The following PDE4B variants were observed in gnomAD, a reference collection of about 807,000 sequenced individuals.
PDE4B encodes phosphodiesterase 4B.
PDE4B carries 20 observed loss-of-function variants against 82.2 expected under a neutral mutation model. The observed-to-expected ratio is 0.24, with a 90% CI of 0.17 to 0.35. The LOEUF is 0.35. Among genes scored for constraint, PDE4B ranks in the 10% least tolerant of loss-of-function variants. PDE4B has a pLI of 1.00. For missense variants in PDE4B, 655 were observed against 907.2 expected (o/e 0.72, Z 3.57); for synonymous variants, 320 against 318.9 (o/e 1.00, Z -0.04).
chr1:66,369,595 A>G (rs1245272167), intron 16 of PDE4B, among the ~76,000 whole-genome samples: 1 of 152,258 alleles, frequency 6.6e-6, no homozygotes, highest in Non-Finnish European at 1.5e-5. Flanking sequence ...ATATGCAGCA[A>G]TGGAAAGTAT....
At chr1:65,977,079 G>A (rs1251365727) in intron 3 of PDE4B, among the ~76,000 whole-genome samples, 4 of 152,116 alleles carry the variant, frequency 2.6e-5, no homozygotes, top group Admixed American at 1.3e-4. Flanking sequence ...CTATTTTTAG[G>A]AAACTTGATC....
chr1:66,010,355 A>G (rs1430046152), intron 3 of PDE4B, among the ~76,000 whole-genome samples: 2 of 150,168 alleles, frequency 1.3e-5, no homozygotes, highest in Non-Finnish European at 2.9e-5. Context: ...TTCTTTATAA[A>G]GAGAAAGAGG....
At chr1:66,137,340 G>T (rs1441668132) in intron 3 of PDE4B, among the ~76,000 whole-genome samples, 5 of 152,152 alleles carry the variant, frequency 3.3e-5, no homozygotes, top group African/African-American at 9.7e-5. Context: ...TAGCTCATCC[G>T]CTGAAAAAGG....
chr1:65,953,219 G>A (rs115892624), intron 3 of PDE4B, among the ~76,000 whole-genome samples: 99 of 152,150 alleles, frequency 6.5e-4, no homozygotes, highest in African/African-American at 2.3e-3. Context: ...GACTGAAGCA[G>A]GAGTACAAAT....
At chr1:66,238,196 T>C (rs2153116) in intron 3 of PDE4B, among the ~76,000 whole-genome samples, 31,361 of 152,144 alleles carry the variant, frequency 0.21, 6,691 homozygotes, top group African/African-American at 0.53. Flanking sequence ...AGCCAGGGAC[T>C]GTTCAAAGCA....
intron 6 of PDE4B, among the ~76,000 whole-genome samples, chr1:66,265,499 A>T (rs502958): frequency 0.59 from 89,586 of 151,990 alleles, 26,989 homozygotes; most frequent in African/African-American, 0.69. Context: ...TTCCTCCATG[A>T]AAATTCTGTT....
intron 1 of PDE4B, among the ~76,000 whole-genome samples, chr1:65,821,617 C>A (rs778355706): frequency 1.3e-5 from 2 of 152,210 alleles, no homozygotes; most frequent in African/African-American, 4.8e-5. Context: ...TAATCTACTT[C>A]TCTTTCTGAC....
At chr1:66,372,235 T>G (rs1557737853) in intron 16 of PDE4B, 78 bp from the exon 17 acceptor site, 1 of 1,414,134 alleles carries the variant, frequency 7.1e-7, no homozygotes, top group Non-Finnish European at 9.6e-7. Context: ...TGTTCTTTCT[T>G]TGCATGGAAA....
chr1:66,081,888 T>C (rs1656760073), intron 3 of PDE4B, among the ~76,000 whole-genome samples: 1 of 151,442 alleles, frequency 6.6e-6, no homozygotes, highest in Non-Finnish European at 1.5e-5. Flanking sequence ...ACTCTGGATT[T>C]GCAAAAACAC....
intron 1 of PDE4B, among the ~76,000 whole-genome samples, chr1:65,819,650 C>A (rs1175222495): frequency 6.6e-6 from 1 of 152,094 alleles, no homozygotes; most frequent in Non-Finnish European, 1.5e-5. Context: ...TAGGCGCCCG[C>A]CACCGCGGCG....
At chr1:66,058,175 C>T (rs941251331) in intron 3 of PDE4B, among the ~76,000 whole-genome samples, 7 of 152,302 alleles carry the variant, frequency 4.6e-5, no homozygotes, top group African/African-American at 1.7e-4. Flanking sequence ...CTTAAAGCTC[C>T]CAAATGATCT....
intron 8 of PDE4B, among the ~76,000 whole-genome samples, chr1:66,346,717 G>A (rs890366688): frequency 6.6e-6 from 1 of 152,172 alleles, no homozygotes; most frequent in Non-Finnish European, 1.5e-5. Context: ...AGGTGTTCAA[G>A]TATCAAAGAA....
chr1:66,086,145 T>C (rs1431148292), intron 3 of PDE4B, among the ~76,000 whole-genome samples: 1 of 151,434 alleles, frequency 6.6e-6, no homozygotes, highest in Non-Finnish European at 1.5e-5. Context: ...GGGAAAAAAG[T>C]GGAATTATCA....
rs1645814887 is a variant in PDE4B at position 66,125,998 on chromosome 1, G to T, written c.282-121462G>T. On this transcript the variant is annotated intron_variant, in intron 3 of 16. Coordinates refer to ENST00000341517, the MANE Select transcript of PDE4B (RefSeq NM_002600.4). ...ATTTTGTATTTTTAGTGGAGATGGGGTTTCACCATGTTGGCCAGGCTGGTC... is the reference window on the plus strand; with the variant it reads ...ATTTTGTATTTTTAGTGGAGATGGGTTTTCACCATGTTGGCCAGGCTGGTC... Among the ~76,000 whole-genome samples the T allele has an allele frequency of 1.3e-5, 2 of 152,102 alleles. 1 individual carries two copies. The highest frequency in any genetic ancestry group is 2.9e-5 in the Non-Finnish European group (2 of 68,018).
Position 66,209,917 on chromosome 1 carries a change from A to G in PDE4B, c.282-37543A>G, listed in dbSNP as rs1254695389. Reference sequence around the variant, plus strand: ...TATCACACATCACATTTGTTTTTCCATTTGTCTCCTGATGTGTATATGGTT... The same window carrying G: ...TATCACACATCACATTTGTTTTTCCGTTTGTCTCCTGATGTGTATATGGTT... On this transcript the variant is annotated intron_variant, in intron 3 of 16. Transcript: ENST00000341517. Among the ~76,000 whole-genome samples, 4 of 151,906 alleles carry G rather than the reference A, an allele frequency of 2.6e-5. No individual in the cohort carries two copies. The South Asian group carries it at 6.2e-4, about 24-fold the overall frequency.
intron 3 of PDE4B, chr1:65,993,243 A>G: frequency 1.2e-6 from 1 of 829,016 alleles, no homozygotes; most frequent in Admixed American, 2.8e-5. Context: ...TTTTGTTCCT[A>G]AAACATACTG....
In PDE4B at chr1:65,920,762, C is replaced by A. The variant is rs983747971; in HGVS notation, c.281+1927C>A. Among the ~76,000 whole-genome samples the A allele has an allele frequency of 7.2e-5, 11 of 151,838 alleles. No homozygotes were observed. In the East Asian group the frequency reaches 1.7e-3, roughly 24 times the overall value. ...TGTCTCTAGTATCAGTAGCCTCATT[C>A]TTGGCGTCAGTATTTTAGGTTGAAA... On this transcript the variant is annotated intron_variant, in intron 3 of 16. Transcript: ENST00000341517.
At chr1:65,967,385 G>A (rs926053821) in intron 3 of PDE4B, among the ~76,000 whole-genome samples, 23 of 152,042 alleles carry the variant, frequency 1.5e-4, no homozygotes, top group Non-Finnish European at 7.4e-5. Context: ...TCAGGAAACA[G>A]CAAGTTGCTG....
At chr1:66,252,598 G>A (rs1653872583) in intron 4 of PDE4B, among the ~76,000 whole-genome samples, 1 of 152,144 alleles carries the variant, frequency 6.6e-6, no homozygotes, top group African/African-American at 2.4e-5. Flanking sequence ...AGGTTGTATG[G>A]GTACTCAAAG....
Sources: gnomAD v4.1 joint callset for allele counts (sites outside exome capture counted in the v4.1 genomes callset) on GRCh38, gnomAD v4.1.1 for gene constraint, MANE v1.5 for transcripts, NCBI Gene and HGNC (gene_info 2026-07-23, HGNC 2026-07-21) for gene names.